The following NCALD variants were observed in gnomAD, a reference collection of about 807,000 sequenced individuals.
NCALD encodes neurocalcin delta, also known as neurocalcin-delta.
A neutral mutation model predicts 18.6 loss-of-function variants in NCALD; 10 were observed. That is an observed-to-expected ratio of 0.54 (90% CI 0.33 to 0.91). The LOEUF (loss-of-function observed/expected upper bound fraction) is 0.91, where lower values mean the gene tolerates loss of function less well. NCALD is among the 40% of genes least tolerant of loss of function. NCALD has a pLI of 0.03. For missense variants in NCALD, 184 were observed against 247.6 expected, an observed-to-expected ratio of 0.74 and a Z score of 1.72; for synonymous variants, 88 against 87.4, an observed-to-expected ratio of 1.01 and a Z score of -0.04.
At chr8:101,838,422 A>G (rs904642369) in intron 4 of NCALD, among the ~76,000 whole-genome samples, 1 of 152,158 alleles carries the variant, frequency 6.6e-6, no homozygotes, top group Non-Finnish European at 1.5e-5. Context: ...GGGTTTCACC[A>G]TGTTGGCCAG....
At chr8:101,730,446 C>A (rs1310311350) in intron 1 of NCALD, among the ~76,000 whole-genome samples, 1 of 132,368 alleles carries the variant, frequency 7.6e-6, no homozygotes, top group East Asian at 2.2e-4. Context: ...TGCCACTGCA[C>A]TCCAGCCTGG....
At chr8:101,830,394 G>A in intron 4 of NCALD, among the ~76,000 whole-genome samples, 1 of 151,942 alleles carries the variant, frequency 6.6e-6, no homozygotes, top group Non-Finnish European at 1.5e-5. Flanking sequence ...AACCCCGTCT[G>A]TATTAAAAAT....
intron 2 of NCALD, chr8:101,694,536 A>G (rs1042840874): frequency 8.5e-5 from 13 of 152,090 alleles, no homozygotes; most frequent in African/African-American, 2.4e-4. Context: ...AACCCACCCA[A>G]TGTGCTTACT....
intron 1 of NCALD, chr8:101,746,019 A>G (rs889021479): frequency 1.3e-5 from 2 of 152,212 alleles, no homozygotes; most frequent in African/African-American, 4.8e-5. Context: ...CATTTGTGTA[A>G]TAGTGTACAG....
chr8:102,103,526 T>G (rs960047600), intron 1 of NCALD, among the ~76,000 whole-genome samples: 32 of 152,068 alleles, frequency 2.1e-4, no homozygotes, highest in Admixed American at 2.0e-3. Flanking sequence ...CTAGAGCCCA[T>G]GTTGGTTGTT....
intron 1 of NCALD, among the ~76,000 whole-genome samples, chr8:102,080,449 G>A (rs1824490257): frequency 6.6e-6 from 1 of 152,198 alleles, no homozygotes; most frequent in Admixed American, 6.5e-5. Flanking sequence ...CAGATTTTAA[G>A]TGCTGGCTCC....
chr8:101,733,631 G>A (rs1294976755), intron 1 of NCALD, among the ~76,000 whole-genome samples: 1 of 152,188 alleles, frequency 6.6e-6, no homozygotes, highest in Non-Finnish European at 1.5e-5. Context: ...ACAACGATGA[G>A]CCCTCCAGAG....
intron 1 of NCALD, among the ~76,000 whole-genome samples, chr8:102,080,033 A>G (rs911822642): frequency 6.6e-6 from 1 of 152,224 alleles, no homozygotes; most frequent in African/African-American, 2.4e-5. Context: ...GATTGCAAAC[A>G]CACAGCCATT....
chr8:101,901,912 G>A (rs1019054737), intron 3 of NCALD, among the ~76,000 whole-genome samples: 9 of 151,708 alleles, frequency 5.9e-5, no homozygotes, highest in Admixed American at 2.0e-4. Context: ...TGCCTCAGCC[G>A]CCCAAGTAGC....
At chr8:101,968,244 C>T (rs928901962) in intron 2 of NCALD, among the ~76,000 whole-genome samples, 12 of 152,004 alleles carry the variant, frequency 7.9e-5, no homozygotes, top group African/African-American at 2.2e-4. Flanking sequence ...AGAAGTTTTG[C>T]TCCAAGGTGA....
At chr8:102,040,788 G>C (rs1317024967) in intron 1 of NCALD, among the ~76,000 whole-genome samples, 3 of 152,186 alleles carry the variant, frequency 2.0e-5, no homozygotes, top group Non-Finnish European at 1.5e-5. Flanking sequence ...ACAGTCTTGA[G>C]CACAAACAGG....
At chr8:102,022,929 CTCAT>C (rs1822325921) in intron 1 of NCALD, among the ~76,000 whole-genome samples, 1 of 152,142 alleles carries the variant, frequency 6.6e-6, no homozygotes, top group African/African-American at 2.4e-5. Context: ...TTTTAGAACT[CTCAT>C]TCTTTCCCTT....
intron 4 of NCALD, among the ~76,000 whole-genome samples, chr8:101,823,763 C>T (rs1477926587): frequency 1.3e-5 from 2 of 152,136 alleles, no homozygotes; most frequent in Admixed American, 6.5e-5. Flanking sequence ...GAGGAAGCCA[C>T]GCAATTCTCT....
intron 2 of NCALD, among the ~76,000 whole-genome samples, chr8:101,990,929 A>T (rs1220427170): frequency 6.6e-6 from 1 of 152,182 alleles, no homozygotes; most frequent in Non-Finnish European, 1.5e-5. Context: ...AGACGAACTA[A>T]AACCTGAATG....
intron 1 of NCALD, among the ~76,000 whole-genome samples, chr8:102,107,479 G>A (rs1254392136): frequency 6.6e-6 from 1 of 151,916 alleles, no homozygotes; most frequent in Non-Finnish European, 1.5e-5. Flanking sequence ...GAACTTTTTA[G>A]TATAATTGCT....
chr8:101,765,605 G>A (rs1811314947), intron 1 of NCALD, among the ~76,000 whole-genome samples: 4 of 152,280 alleles, frequency 2.6e-5, no homozygotes, highest in Admixed American at 2.6e-4. Context: ...TAGCTTATGG[G>A]GACTCCTGGG....
chr8:101,715,036 A>G (rs1816008418), intron 2 of NCALD, among the ~76,000 whole-genome samples: 1 of 151,664 alleles, frequency 6.6e-6, no homozygotes, highest in Admixed American at 6.6e-5. Context: ...TGGAGGCATC[A>G]TGCTACCTGA....
chr8:102,040,572 G>T (rs1008502423), intron 1 of NCALD, among the ~76,000 whole-genome samples: 3 of 152,126 alleles, frequency 2.0e-5, no homozygotes, highest in African/African-American at 7.2e-5. Context: ...CTGTAGCTGG[G>T]AAAGAACACC....
intron 4 of NCALD, among the ~76,000 whole-genome samples, chr8:101,861,762 T>C (rs1042553503): frequency 3.3e-5 from 5 of 152,182 alleles, no homozygotes; most frequent in African/African-American, 7.2e-5. Flanking sequence ...TATGATTCCA[T>C]TTGAGACCCT....
Sources: gnomAD v4.1 joint callset for allele counts (sites outside exome capture counted in the v4.1 genomes callset) on GRCh38, gnomAD v4.1.1 for gene constraint, MANE v1.5 for transcripts, NCBI Gene and HGNC (gene_info 2026-07-23, HGNC 2026-07-21) for gene names.